WDR27: variants seen among roughly 807,000 people sequenced by gnomAD.
The protein encoded by WDR27 is WD repeat domain 27.
Under a neutral mutation model 114.4 loss-of-function variants are expected in WDR27, and 100 were observed. The ratio of observed to expected loss-of-function variants is 0.87; its 90% CI spans 0.74 to 1.03. The LOEUF (loss-of-function observed/expected upper bound fraction) is 1.03. WDR27 is among the 50% of genes least tolerant of loss of function. The probability of loss-of-function intolerance (pLI) is 0.00; values close to 1 mark genes in which losing one functional copy is unlikely to be tolerated. For synonymous variants in WDR27, 449 were observed against 423.1 expected (o/e 1.06, Z -0.75); for missense variants, 1,129 against 1,092.9 (o/e 1.03, Z -0.47).
At chr6:169,546,401 A>T (rs6942241) in intron 25 of WDR27, among the ~76,000 whole-genome samples, 26,166 of 152,084 alleles carry the variant, frequency 0.17, 3,596 homozygotes, top group East Asian at 0.62. Flanking sequence ...GGAAGCTGGT[A>T]CACTGTCAGC....
intron 21 of WDR27, among the ~76,000 whole-genome samples, chr6:169,629,027 A>G (rs1428759140): frequency 6.6e-6 from 1 of 152,264 alleles, no homozygotes; most frequent in Non-Finnish European, 1.5e-5. Flanking sequence ...AACAGAGAAA[A>G]GCTTTATATA....
chr6:169,435,361 C>T, the WDR27 span, among the ~76,000 whole-genome samples: 1 of 152,174 alleles, frequency 6.6e-6, no homozygotes, highest in Non-Finnish European at 1.5e-5. Flanking sequence ...ATCCTCCAGA[C>T]CCCGGAATGG....
At chr6:169,520,749 A>T (rs1794271450) in intron 25 of WDR27, among the ~76,000 whole-genome samples, 1 of 152,180 alleles carries the variant, frequency 6.6e-6, no homozygotes, top group Non-Finnish European at 1.5e-5. Flanking sequence ...ACTGAAAAAA[A>T]TCATGAGAGG....
At chr6:169,564,031 A>G (rs1357565407) in intron 25 of WDR27, among the ~76,000 whole-genome samples, 1 of 152,230 alleles carries the variant, frequency 6.6e-6, no homozygotes, top group Non-Finnish European at 1.5e-5. Context: ...TGCTCTGTCT[A>G]CAAGCTGAGG....
chr6:169,673,675 G>C (rs1216805860), intron 2 of WDR27, among the ~76,000 whole-genome samples: 1 of 151,900 alleles, frequency 6.6e-6, no homozygotes, highest in African/African-American at 2.4e-5. Flanking sequence ...AGGGGCTACG[G>C]GCACAAAAAT....
At position 169,609,469 on chromosome 6, in the gene WDR27, T is replaced by C. The variant is rs371093409; in HGVS notation, c.2321+4090A>G. ...CTGTGCACCCGTAGGCCCAACATGA[T>C]GTAGAAGCTGCCAAGGACTGGGGCT... On this transcript the variant is annotated intron_variant, in intron 22 of 25. Transcript: ENST00000448612. Among the ~76,000 whole-genome samples, 30 of 152,000 alleles carry C rather than the reference T, an allele frequency of 2.0e-4. No individual in the cohort carries two copies. In the East Asian group the frequency reaches 2.8e-3, roughly 14 times the overall value.
At chr6:169,649,345 T>A in intron 14 of WDR27, 70 bp from the exon 15 acceptor site, 1 of 1,356,132 alleles carries the variant, frequency 7.4e-7, no homozygotes, top group Non-Finnish European at 1.0e-6. Flanking sequence ...GATTTATATT[T>A]TACAGTGAAA....
intron 23 of WDR27, among the ~76,000 whole-genome samples, chr6:169,596,850 A>C (rs902209488): frequency 8.5e-5 from 13 of 152,128 alleles, no homozygotes; most frequent in African/African-American, 3.1e-4. Context: ...GATCATCAAT[A>C]ATCTGTTTTC....
chr6:169,486,267 A>C (rs990307770), intron 25 of WDR27, among the ~76,000 whole-genome samples: 1 of 152,100 alleles, frequency 6.6e-6, no homozygotes, highest in Non-Finnish European at 1.5e-5. Flanking sequence ...GCCACTGTGG[A>C]AAGCAGTCTG....
chr6:169,648,969 T>C (rs963552799), intron 15 of WDR27, among the ~76,000 whole-genome samples: 1 of 152,258 alleles, frequency 6.6e-6, no homozygotes, highest in Non-Finnish European at 1.5e-5. Flanking sequence ...AAATTTATTA[T>C]TTCAAAATTG....
At chr6:169,510,459 T>G (rs966715425) in intron 25 of WDR27, among the ~76,000 whole-genome samples, 5 of 151,938 alleles carry the variant, frequency 3.3e-5, no homozygotes, top group East Asian at 1.9e-4. Context: ...CCATAAAAAA[T>G]GATGAGTTCA....
At position 169,655,592 on chromosome 6, in the gene WDR27, A is replaced by C. The variant is rs374520369; in HGVS notation, c.1402+2684T>G. On this transcript the variant is annotated intron_variant, in intron 13 of 25. Transcript: ENST00000448612. ...ATTACTCTACATATAAACAGCCCCC[A>C]GATTAGACATATGAGAAGATTCATT... Among the ~76,000 whole-genome samples, 6 of 152,342 alleles carry C rather than the reference A, an allele frequency of 3.9e-5. No homozygotes were observed. The South Asian group carries it at 8.3e-4, about 21-fold the overall frequency.
intron 1 of WDR27, among the ~76,000 whole-genome samples, chr6:169,692,446 G>T (rs1784759182): frequency 6.6e-6 from 1 of 152,086 alleles, no homozygotes; most frequent in Non-Finnish European, 1.5e-5. Flanking sequence ...CAGATGGGGA[G>T]GGGCAAGACC....
At chr6:169,480,982 C>A (rs374099017) in intron 25 of WDR27, among the ~76,000 whole-genome samples, 1 of 149,406 alleles carries the variant, frequency 6.7e-6, no homozygotes, top group African/African-American at 2.5e-5. Flanking sequence ...GTGTCTAGCT[C>A]ACAGATTGCA....
the WDR27 span, among the ~76,000 whole-genome samples, chr6:169,449,782 T>A: frequency 6.6e-6 from 1 of 152,314 alleles, no homozygotes; most frequent in Middle Eastern, 3.4e-3. Flanking sequence ...CATTTCCGAA[T>A]GCAGGGAACA....
chr6:169,446,240 T>C, the WDR27 span, among the ~76,000 whole-genome samples: 1 of 152,090 alleles, frequency 6.6e-6, no homozygotes, highest in Non-Finnish European at 1.5e-5. Flanking sequence ...GAGAGCCTGT[T>C]GAGGGTGGCA....
At chr6:169,615,055 A>G (rs1484563284) in intron 21 of WDR27, among the ~76,000 whole-genome samples, 1 of 152,222 alleles carries the variant, frequency 6.6e-6, no homozygotes, top group Non-Finnish European at 1.5e-5. Context: ...AGAAGAAATA[A>G]AAAAACAAAG....
intron 22 of WDR27, among the ~76,000 whole-genome samples, chr6:169,606,195 A>G (rs963974920): frequency 6.6e-6 from 1 of 152,222 alleles, no homozygotes; most frequent in Non-Finnish European, 1.5e-5. Context: ...GAAAACTTGC[A>G]AACTATGCAT....
intron 24 of WDR27, among the ~76,000 whole-genome samples, chr6:169,575,390 CTCCATCCATCCA>C (rs71010605): frequency 6.6e-4 from 29 of 43,856 alleles, no homozygotes; most frequent in Non-Finnish European, 5.2e-4. Context: ...CCCTCCCTCT[CTCCATCCATCCA>C]TCCATCCATC....
Sources: gnomAD v4.1 joint callset for allele counts (sites outside exome capture counted in the v4.1 genomes callset) on GRCh38, gnomAD v4.1.1 for gene constraint, MANE v1.5 for transcripts, NCBI Gene and HGNC (gene_info 2026-07-23, HGNC 2026-07-21) for gene names.